Variants in PREX1 observed in about 807,000 individuals in gnomAD.
The protein encoded by PREX1 is phosphatidylinositol 3,4,5-trisphosphate-dependent Rac exchanger 1 protein.
A neutral mutation model predicts 198.3 loss-of-function variants in PREX1; 41 were observed. The ratio of observed to expected loss-of-function variants is 0.21; its 90% CI spans 0.16 to 0.27. The LOEUF is 0.27. Among genes scored for constraint, PREX1 ranks in the 10% least tolerant of loss-of-function variants. The pLI is 1.00. For synonymous variants in PREX1, 843 were observed against 887.2 expected, an observed-to-expected ratio of 0.95 and a Z score of 0.89; for missense variants, 1,620 against 2,200.7, an observed-to-expected ratio of 0.74 and a Z score of 5.28.
At chr20:48,639,092 G>A (rs1054027432) in intron 30 of PREX1, among the ~76,000 whole-genome samples, 11 of 152,262 alleles carry the variant, frequency 7.2e-5, no homozygotes, top group Admixed American at 7.2e-4. Context: ...AGACGCAAAT[G>A]CCGGCAAGGG....
chr20:48,771,932 A>T (rs1313387973), intron 1 of PREX1, among the ~76,000 whole-genome samples: 2 of 152,138 alleles, frequency 1.3e-5, no homozygotes, highest in Non-Finnish European at 2.9e-5. Context: ...GGTGGCTCCC[A>T]TCTATAATCC....
chr20:48,670,323 C>A (rs1027366289), intron 14 of PREX1, among the ~76,000 whole-genome samples: 1 of 152,126 alleles, frequency 6.6e-6, no homozygotes, highest in African/African-American at 2.4e-5. Flanking sequence ...TGCTGAGAAC[C>A]CTGCTACCAT....
chr20:48,886,441 C>T, the PREX1 span, among the ~76,000 whole-genome samples: 2 of 152,244 alleles, frequency 1.3e-5, no homozygotes, highest in South Asian at 4.1e-4. Context: ...GGCCAGGCCA[C>T]CCTTAGTGAG....
chr20:48,879,937 C>G, the PREX1 span, among the ~76,000 whole-genome samples: 1 of 152,210 alleles, frequency 6.6e-6, no homozygotes, highest in Non-Finnish European at 1.5e-5. Context: ...ACTCTTCCTC[C>G]ATGGTGGGAC....
chr20:48,804,288 G>A (rs951384195), intron 1 of PREX1, among the ~76,000 whole-genome samples: 1 of 152,208 alleles, frequency 6.6e-6, no homozygotes, highest in Non-Finnish European at 1.5e-5. Flanking sequence ...TCTAGCGAAG[G>A]AAGAGCAGGC....
intron 7 of PREX1, among the ~76,000 whole-genome samples, chr20:48,699,683 G>A (rs1051460520): frequency 8.6e-5 from 13 of 151,846 alleles, no homozygotes; most frequent in Admixed American, 2.0e-4. Flanking sequence ...CCAAACCTCC[G>A]TCACCAACCC....
chr20:48,808,547 C>T, intron 1 of PREX1, among the ~76,000 whole-genome samples: 1 of 152,194 alleles, frequency 6.6e-6, no homozygotes, highest in East Asian at 1.9e-4. Context: ...CACCTCCTAT[C>T]ATCTACCCGC....
the PREX1 span, among the ~76,000 whole-genome samples, chr20:48,884,830 G>A: frequency 6.6e-6 from 1 of 152,122 alleles, no homozygotes; most frequent in African/African-American, 2.4e-5. Context: ...CAAATAAACC[G>A]GCAGGGCACG....
chr20:48,814,784 T>TG (rs1393998639), intron 1 of PREX1, among the ~76,000 whole-genome samples: 1 of 152,150 alleles, frequency 6.6e-6, no homozygotes, highest in Non-Finnish European at 1.5e-5. Context: ...GGCAGGGTGT[T>TG]GGAGCTAAAC....
At chr20:48,625,976 C>T in intron 39 of PREX1, 49 bp from the exon 40 acceptor site, 1 of 1,470,414 alleles carries the variant, frequency 6.8e-7, no homozygotes, top group Non-Finnish European at 9.0e-7. Context: ...CGGGCCAGGA[C>T]CTATTTGTAT....
intron 7 of PREX1, among the ~76,000 whole-genome samples, chr20:48,698,255 G>A (rs917618893): frequency 5.9e-5 from 9 of 152,200 alleles, no homozygotes; most frequent in African/African-American, 2.2e-4. Context: ...ATCAGCTGCT[G>A]TCCCTGCACA....
the PREX1 span, among the ~76,000 whole-genome samples, chr20:48,838,067 T>C: frequency 1.3e-5 from 2 of 152,162 alleles, no homozygotes; most frequent in African/African-American, 4.8e-5. Context: ...GAGGATGCAG[T>C]GTGAATATAG....
intron 1 of PREX1, among the ~76,000 whole-genome samples, chr20:48,753,692 C>G (rs894282826): frequency 2.0e-5 from 3 of 152,216 alleles, no homozygotes; most frequent in Non-Finnish European, 2.9e-5. Flanking sequence ...TGCAGGTACA[C>G]TGGTCTCCTT....
intron 1 of PREX1, among the ~76,000 whole-genome samples, chr20:48,751,594 C>A (rs1031720034): frequency 1.3e-5 from 2 of 152,226 alleles, no homozygotes; most frequent in Non-Finnish European, 1.5e-5. Flanking sequence ...GCGTCCCCTG[C>A]ACTGGCAGGA....
chr20:48,797,081 T>C (rs2090366236), intron 1 of PREX1, among the ~76,000 whole-genome samples: 1 of 152,004 alleles, frequency 6.6e-6, no homozygotes, highest in Non-Finnish European at 1.5e-5. Flanking sequence ...AAGATATACC[T>C]AAAATAATTA....
intron 1 of PREX1, among the ~76,000 whole-genome samples, chr20:48,765,126 T>G (rs1042029713): frequency 6.6e-6 from 1 of 152,220 alleles, no homozygotes; most frequent in Non-Finnish European, 1.5e-5. Flanking sequence ...AAAGCAAACC[T>G]GTTGTATCTC....
chr20:48,630,585 TGGA>T (rs1480299611), intron 36 of PREX1, 140 bp downstream of exon 36: 11 of 639,598 alleles, frequency 1.7e-5, no homozygotes, highest in African/African-American at 1.6e-4. Context: ...GGAGACTTCC[TGGA>T]GGAGGAGAGA....
chr20:48,790,744 C>A (rs542918012), intron 1 of PREX1, among the ~76,000 whole-genome samples: 1 of 152,142 alleles, frequency 6.6e-6, no homozygotes, highest in Non-Finnish European at 1.5e-5. Flanking sequence ...CACTGAATGC[C>A]GAGACAGTGA....
chr20:48,827,540 G>T lies in PREX1; in HGVS notation c.219+102C>A. 1 of 909,028 alleles carries T rather than the reference G, an allele frequency of 1.1e-6. No individual in the cohort carries two copies. The highest frequency in any genetic ancestry group is 5.3e-5 in the South Asian group (1 of 18,898). The allele number at this position is 909,028 out of a possible 1,614,324, so 56.3% of individuals were successfully genotyped here. A position where few individuals can be genotyped will look rare whatever the true frequency, so the allele number is the denominator to read the frequency against. On this transcript the variant is annotated intron_variant, in intron 1 of 39. Coordinates refer to ENST00000371941, the MANE Select transcript of PREX1 (RefSeq NM_020820.4). This position sits in a 1 kb window ranked among gnomAD's most constrained non-coding sequence, Gnocchi z 4.1. ...GCGCGCCCTGCGGGGCGCCCCCGAG[G>T]CAATTCTCCACCCACGGGGACCACG...
Sources: allele counts gnomAD v4.1 joint callset (sites outside exome capture counted in the v4.1 genomes callset), GRCh38; gene constraint gnomAD v4.1.1; non-coding constraint Gnocchi (gnomAD v3.1); transcripts MANE v1.5; gene names NCBI Gene and HGNC (gene_info 2026-07-23, HGNC 2026-07-21).